The following DYTN variants were observed in gnomAD, a reference collection of about 807,000 sequenced individuals.
The protein encoded by DYTN is dystrotelin.
A neutral mutation model predicts 69.6 loss-of-function variants in DYTN; 75 were observed. That is an observed-to-expected ratio of 1.08 (90% confidence interval 0.89 to 1.31). The LOEUF is 1.31. Ranked by LOEUF, DYTN falls within the 50% of genes most tolerant of loss-of-function variation. The pLI is 0.00. For synonymous variants in DYTN, 252 were observed against 249.1 expected (o/e 1.01, Z -0.11); for missense variants, 726 against 688.4 (o/e 1.05, Z -0.61).
chr2:206,705,325 C>G (rs1363754252), intron 4 of DYTN, among the ~76,000 whole-genome samples: 1 of 152,134 alleles, frequency 6.6e-6, no homozygotes, highest in African/African-American at 2.4e-5. Context: ...CTCGAACTCC[C>G]AACCTCAGGT....
At chr2:206,696,353 C>A (rs1391424735) in intron 7 of DYTN, among the ~76,000 whole-genome samples, 1 of 152,176 alleles carries the variant, frequency 6.6e-6, no homozygotes, top group African/African-American at 2.4e-5. Context: ...GTCTGATGGT[C>A]TGATCAAAGT....
Position 206,693,174 on chromosome 2 carries a change from C to T in DYTN, c.980+1G>A. ...ATCAGCCAATCCTCGCAGCCACTCA[C>T]CTGGCCTGCGCATGGTGAGGCACAC... is the stretch of plus-strand genomic sequence containing the variant. On this transcript the variant is annotated splice_donor_variant, in intron 9 of 11. Transcript: ENST00000452335. LOFTEE classifies it high-confidence loss of function. 1 of 1,607,860 alleles carries T rather than the reference C, an allele frequency of 6.2e-7. No individual in the cohort carries two copies. The highest frequency in any genetic ancestry group is 8.5e-7 in the Non-Finnish European group (1 of 1,178,014).
At chr2:206,659,798 A>G (rs902522710) in intron 11 of DYTN, among the ~76,000 whole-genome samples, 14 of 152,202 alleles carry the variant, frequency 9.2e-5, no homozygotes, top group African/African-American at 3.1e-4. Context: ...TATAAACATA[A>G]TTAGAAATAA....
At chr2:206,656,910 A>G (rs1268076052) in intron 11 of DYTN, among the ~76,000 whole-genome samples, 1 of 151,864 alleles carries the variant, frequency 6.6e-6, no homozygotes, top group Non-Finnish European at 1.5e-5. Context: ...TTAAAGGTGC[A>G]TGCCACCACG....
At chr2:206,713,886 A>G (rs1362537239) in intron 1 of DYTN, among the ~76,000 whole-genome samples, 8 of 152,216 alleles carry the variant, frequency 5.3e-5, no homozygotes, top group Non-Finnish European at 1.0e-4. Context: ...ATGTCAGCCG[A>G]TTAACATAAA....
In DYTN at chr2:206,693,247, T is replaced by G; in HGVS notation, c.908A>C (p.Lys303Thr). 1 of 1,613,726 alleles carries G rather than the reference T, an allele frequency of 6.2e-7. No individual in the cohort carries two copies. The highest frequency in any genetic ancestry group is 1.3e-5 in the African/African-American group (1 of 75,046). Residue 303 changes from lysine (K) to threonine (T), a missense_variant, in exon 9 of 12, where the codon AAA (lysine) becomes ACA (threonine). Physicochemically the swap from Lys to Thr is moderately conservative, Grantham distance 78 (BLOSUM62 -1). Coordinates refer to ENST00000452335, the MANE Select transcript of DYTN (RefSeq NM_001093730.1). ...NNLLQGRCRK[K>T]EAARRQQLLD... is the part of the protein sequence containing the mutation. The stretch of plus-strand genomic sequence containing the variant: ...CAGCTGCTGCCTTCTCGCTGCTTCT[T>G]TCTTCCTACAGCGCCCCTGAAGAAG...
At chr2:206,707,262 C>T in intron 3 of DYTN, 40 bp downstream of exon 3, 3 of 1,585,416 alleles carry the variant, frequency 1.9e-6, no homozygotes, top group South Asian at 1.2e-5. Context: ...GGAAACTAAA[C>T]TTTGCCTTTG....
intron 9 of DYTN, among the ~76,000 whole-genome samples, chr2:206,684,468 C>A (rs572831174): frequency 6.6e-6 from 1 of 152,190 alleles, no homozygotes; most frequent in South Asian, 2.1e-4. Context: ...CCACACCCAG[C>A]TAATTTTAAA....
intron 11 of DYTN, among the ~76,000 whole-genome samples, chr2:206,660,349 T>C (rs977817803): frequency 6.6e-6 from 1 of 152,186 alleles, no homozygotes; most frequent in Admixed American, 6.5e-5. Flanking sequence ...ACTGCACAAG[T>C]ATTGGGATAC....
intron 1 of DYTN, among the ~76,000 whole-genome samples, chr2:206,717,371 C>A (rs1421755739): frequency 6.6e-6 from 1 of 152,152 alleles, no homozygotes; most frequent in African/African-American, 2.4e-5. Flanking sequence ...ACAGTGTGGT[C>A]CCAAGCCAGC....
chr2:206,707,892 TGAATA>T (rs901086399), intron 2 of DYTN, among the ~76,000 whole-genome samples: 5 of 152,356 alleles, frequency 3.3e-5, no homozygotes, highest in African/African-American at 1.2e-4. Flanking sequence ...TTAAGTGGAT[TGAATA>T]AATTTACCTT....
At chr2:206,698,978 A>G (rs368678395) in intron 7 of DYTN, among the ~76,000 whole-genome samples, 25 of 152,242 alleles carry the variant, frequency 1.6e-4, no homozygotes, top group African/African-American at 5.8e-4. Flanking sequence ...TTCTCTGTAA[A>G]TAGGGGATAA....
At chr2:206,692,506 T>A (rs560296669) in intron 9 of DYTN, among the ~76,000 whole-genome samples, 1 of 152,304 alleles carries the variant, frequency 6.6e-6, no homozygotes, top group Non-Finnish European at 1.5e-5. Context: ...TTTCATTGAA[T>A]GAGTTTTCCC....
chr2:206,675,774 T>A (rs529598659), intron 9 of DYTN, among the ~76,000 whole-genome samples: 135 of 152,236 alleles, frequency 8.9e-4, no homozygotes, highest in African/African-American at 3.1e-3. Flanking sequence ...GGGCAAGGGA[T>A]ATGAACAGAC....
chr2:206,693,027 G>A, intron 9 of DYTN, 148 bp downstream of exon 9: 1 of 1,218,822 alleles, frequency 8.2e-7, no homozygotes, highest in Non-Finnish European at 1.1e-6. Flanking sequence ...CCTTTTTAGA[G>A]GAAAAAAATA....
intron 9 of DYTN, among the ~76,000 whole-genome samples, chr2:206,689,303 T>A (rs372792560): frequency 1.3e-5 from 2 of 152,224 alleles, no homozygotes; most frequent in East Asian, 3.8e-4. Context: ...GCCATAACCA[T>A]TAATCTCTTA....
At chr2:206,674,595 T>G (rs1347987627) in intron 9 of DYTN, among the ~76,000 whole-genome samples, 2 of 152,044 alleles carry the variant, frequency 1.3e-5, no homozygotes, top group Non-Finnish European at 2.9e-5. Flanking sequence ...CCATAAAAAC[T>G]CAAATGCTCA....
intron 5 of DYTN, among the ~76,000 whole-genome samples, chr2:206,704,100 C>T (rs1700002450): frequency 1.3e-5 from 2 of 152,322 alleles, no homozygotes; most frequent in East Asian, 3.9e-4. Context: ...ACATGGCACT[C>T]CATCTATGCA....
chr2:206,657,363 G>A (rs888892043), intron 11 of DYTN, among the ~76,000 whole-genome samples: 1 of 152,096 alleles, frequency 6.6e-6, no homozygotes, highest in African/African-American at 2.4e-5. Flanking sequence ...ACTGCTTGTT[G>A]AAACTACTAG....
Sources: allele counts gnomAD v4.1 joint callset (sites outside exome capture counted in the v4.1 genomes callset), GRCh38; gene constraint gnomAD v4.1.1; transcripts MANE v1.5; gene names NCBI Gene and HGNC (gene_info 2026-07-23, HGNC 2026-07-21).